Variants in DLGAP2 observed in about 807,000 individuals in gnomAD.
DLGAP2 encodes the protein disks large-associated protein 2.
Under a neutral mutation model 100.3 loss-of-function variants are expected in DLGAP2, and 26 were observed. That is an observed-to-expected ratio of 0.26 (90% confidence interval 0.19 to 0.36). The LOEUF is 0.36. Ranked by LOEUF, DLGAP2 falls within the 10% of genes least tolerant of loss-of-function variation. The probability of loss-of-function intolerance (pLI) is 1.00; values close to 1 mark genes in which losing one functional copy is unlikely to be tolerated. For missense variants in DLGAP2, 1,858 were observed against 1,453.2 expected (o/e 1.28, Z -4.53); for synonymous variants, 886 against 630.1 (o/e 1.41, Z -6.08).
Position 1,548,980 on chromosome 8 carries a change from G to A in DLGAP2, c.527G>A (p.Cys176Tyr), listed in dbSNP as rs374898123. 1 of 1,599,360 alleles carries A rather than the reference G, an allele frequency of 6.3e-7. No homozygotes were observed. Among genetic ancestry groups the A allele is most frequent in the Non-Finnish European group, 8.5e-7 (1 of 1,179,390 alleles). The change falls in exon 5 of 15, where the codon TGC becomes TAC. Residue 176 changes from cysteine to tyrosine, a missense_variant. Transcript: ENST00000637795. ...TCGCACTACGACACGCGCGACGACT[G>A]CGCTGTGGCCCACGCGGGCGCCAAG... ...YSSHYDTRDDCAVAHAGAKIN... is the reference protein window; with the variant it reads ...YSSHYDTRDDYAVAHAGAKIN...
intron 3 of DLGAP2, among the ~76,000 whole-genome samples, chr8:1,387,672 G>A (rs901663599): frequency 6.6e-6 from 1 of 152,222 alleles, no homozygotes; most frequent in Non-Finnish European, 1.5e-5. Flanking sequence ...TAGGCACTAA[G>A]TTGGGTCCTG....
intron 8 of DLGAP2, among the ~76,000 whole-genome samples, chr8:1,650,942 G>A (rs913683420): frequency 1.3e-5 from 2 of 152,146 alleles, no homozygotes; most frequent in African/African-American, 4.8e-5. Flanking sequence ...GAGCAGAGAT[G>A]GGAGGACGGT....
At chr8:1,539,549 T>G (rs1801282920) in intron 4 of DLGAP2, among the ~76,000 whole-genome samples, 1 of 152,120 alleles carries the variant, frequency 6.6e-6, no homozygotes, top group African/African-American at 2.4e-5. Flanking sequence ...CACTGAGCCT[T>G]GCCAGGGTCC....
intron 10 of DLGAP2, among the ~76,000 whole-genome samples, chr8:1,672,944 G>C (rs545182944): frequency 6.6e-6 from 1 of 152,338 alleles, no homozygotes; most frequent in South Asian, 2.1e-4. Context: ...ACTAGTGAGC[G>C]GTTCCTGCTG....
At chr8:1,457,780 C>G (rs947966230) in intron 3 of DLGAP2, among the ~76,000 whole-genome samples, 1 of 151,890 alleles carries the variant, frequency 6.6e-6, no homozygotes, top group Non-Finnish European at 1.5e-5. Flanking sequence ...GTTGCCCTTC[C>G]TCCCTCCAGG....
intron 5 of DLGAP2, among the ~76,000 whole-genome samples, chr8:1,560,288 C>G (rs1405930441): frequency 6.6e-6 from 1 of 152,180 alleles, no homozygotes; most frequent in Non-Finnish European, 1.5e-5. Context: ...TCATGAGCAT[C>G]TTTTCATCAC....
chr8:1,100,844 C>G (rs1366656571), intron 2 of DLGAP2, among the ~76,000 whole-genome samples: 1 of 152,220 alleles, frequency 6.6e-6, no homozygotes, highest in Non-Finnish European at 1.5e-5. Context: ...CAATTTCATA[C>G]AGATGATAGC....
intron 1 of DLGAP2, among the ~76,000 whole-genome samples, chr8:864,767 C>G (rs890757983): frequency 6.6e-6 from 1 of 152,052 alleles, no homozygotes; most frequent in Non-Finnish European, 1.5e-5. Flanking sequence ...TGGGAGCTGC[C>G]AGGGTCCTGC....
intron 1 of DLGAP2, among the ~76,000 whole-genome samples, chr8:793,241 C>G (rs1795955187): frequency 6.6e-6 from 1 of 152,166 alleles, no homozygotes; most frequent in South Asian, 2.1e-4. Context: ...TGTTTATTCC[C>G]ACATAAAATC....
intron 6 of DLGAP2, among the ~76,000 whole-genome samples, chr8:1,581,503 G>C (rs1202628990): frequency 6.9e-6 from 1 of 143,890 alleles, no homozygotes; most frequent in Non-Finnish European, 1.5e-5. Flanking sequence ...ACTACCAGAA[G>C]TGAAGGATAC....
chr8:978,984 G>T (rs1800251288), intron 2 of DLGAP2, among the ~76,000 whole-genome samples: 1 of 152,142 alleles, frequency 6.6e-6, no homozygotes, highest in Non-Finnish European at 1.5e-5. Context: ...ATTGGTGAGA[G>T]ACCCTGTTAG....
intron 6 of DLGAP2, among the ~76,000 whole-genome samples, chr8:1,584,339 C>G (rs1469621173): frequency 1.3e-5 from 2 of 152,174 alleles, no homozygotes; most frequent in African/African-American, 4.8e-5. Flanking sequence ...ATTTCTTAAG[C>G]TCCTTTAGGT....
chr8:1,568,852 A>T (rs566838186), intron 6 of DLGAP2, among the ~76,000 whole-genome samples: 3 of 121,596 alleles, frequency 2.5e-5, no homozygotes, highest in South Asian at 6.8e-4. Context: ...TATGGCCCCC[A>T]TGCCACTGTC....
chr8:1,640,155 A>G (rs1331482991), intron 8 of DLGAP2, among the ~76,000 whole-genome samples: 2 of 152,216 alleles, frequency 1.3e-5, no homozygotes, highest in Non-Finnish European at 1.5e-5. Flanking sequence ...CCCAAGGGGA[A>G]CCCATTTCTC....
intron 2 of DLGAP2, among the ~76,000 whole-genome samples, chr8:972,607 T>C (rs1800040370): frequency 7.0e-6 from 1 of 142,002 alleles, no homozygotes; most frequent in East Asian, 2.0e-4. Flanking sequence ...TTTTTTTTTG[T>C]ATTTTTTTCT....
chr8:1,373,746 C>G (rs1454128132), intron 3 of DLGAP2: 1 of 152,196 alleles, frequency 6.6e-6, no homozygotes, highest in Non-Finnish European at 1.5e-5. Flanking sequence ...CAGGGACGTG[C>G]CTTTCCCGTG....
chr8:764,956 A>G (rs1821173973), intron 1 of DLGAP2, among the ~76,000 whole-genome samples: 2 of 152,276 alleles, frequency 1.3e-5, no homozygotes, highest in African/African-American at 4.8e-5. Flanking sequence ...AGCAACCAGA[A>G]TAGATTCAAT....
chr8:898,121 T>C (rs1416783817), intron 1 of DLGAP2, among the ~76,000 whole-genome samples: 1 of 152,200 alleles, frequency 6.6e-6, no homozygotes, highest in Non-Finnish European at 1.5e-5. Flanking sequence ...CCCGTACAAG[T>C]GGGCAGTAAA....
chr8:1,324,483 C>T (rs1360548996), intron 3 of DLGAP2, among the ~76,000 whole-genome samples: 1 of 152,224 alleles, frequency 6.6e-6, no homozygotes. Context: ...CATGTTTCCA[C>T]AGGCAGAGCA....
Sources: gnomAD v4.1 joint callset for allele counts (sites outside exome capture counted in the v4.1 genomes callset) on GRCh38, gnomAD v4.1.1 for gene constraint, MANE v1.5 for transcripts, NCBI Gene and HGNC (gene_info 2026-07-23, HGNC 2026-07-21) for gene names.